The following MIB1 variants were observed in gnomAD, a reference collection of about 807,000 sequenced individuals.
MIB1 encodes MIB E3 ubiquitin protein ligase 1.
Under a neutral mutation model 124.5 loss-of-function variants are expected in MIB1, and 278 were observed. That is an observed-to-expected ratio of 2.23 (90% confidence interval 2.02 to 2.47). The LOEUF (loss-of-function observed/expected upper bound fraction) is 2.47, where lower values mean the gene tolerates loss of function less well. MIB1 is among the 30% of genes most tolerant of loss of function. MIB1 has a pLI of 0.00. For missense variants in MIB1, 957 were observed against 1,254.4 expected (o/e 0.76, Z 3.58); for synonymous variants, 446 against 429.4 (o/e 1.04, Z -0.48).
At position 21,819,511 on chromosome 18, in the gene MIB1, C is replaced by G. The variant is rs759658918; in HGVS notation, c.1694C>G (p.Thr565Ser). Residue 565 changes from threonine (T) to serine (S), a missense_variant, in exon 12 of 21, where the codon ACC (threonine) becomes AGC (serine). Transcript: ENST00000261537. ...HPSLQDSEGD[T>S]PLHDAISKKR... The stretch of plus-strand genomic sequence containing the variant: ...AACTTAAAGGATTCTGAAGGTGATA[C>G]CCCTCTTCATGATGCAATAAGTAAG... 5 of 1,601,212 alleles carry G rather than the reference C, an allele frequency of 3.1e-6. No homozygotes were observed. The Admixed American group carries it at 8.5e-5, about 27-fold the overall frequency.
At chr18:21,750,266 C>G (rs143384238) in intron 1 of MIB1, among the ~76,000 whole-genome samples, 3 of 152,120 alleles carry the variant, frequency 2.0e-5, no homozygotes, top group Admixed American at 6.5e-5. Flanking sequence ...ATTCTCCTAC[C>G]TCAGCCTCCT....
At position 21,838,804 on chromosome 18, in the gene MIB1, T is replaced by A. The variant is rs147729302; in HGVS notation, c.1962+307T>A. Among the ~76,000 whole-genome samples, 1,413 of 152,318 alleles carry A rather than the reference T, an allele frequency of 9.3e-3. 9 individuals carry two copies. The highest frequency in any genetic ancestry group is 0.054 in the Middle Eastern group (16 of 294). ...GATTTCCCAGAATGGCTGCCACTGT[T>A]ACGGAAGTATCATCAACCAGAGCAC... is the stretch of plus-strand genomic sequence containing the variant. On this transcript the variant is annotated intron_variant, in intron 13 of 20. Coordinates refer to ENST00000261537, the MANE Select transcript of MIB1 (RefSeq NM_020774.4).
chr18:21,845,668 G>C (rs1364128743), intron 15 of MIB1, among the ~76,000 whole-genome samples: 1 of 151,838 alleles, frequency 6.6e-6, no homozygotes, highest in Non-Finnish European at 1.5e-5. Flanking sequence ...CTGTTGCCTG[G>C]GCTGGAGTGC....
chr18:21,775,891 G>A (rs1392386052), intron 4 of MIB1, among the ~76,000 whole-genome samples: 6 of 152,148 alleles, frequency 3.9e-5, no homozygotes, highest in East Asian at 1.9e-4. Flanking sequence ...GCATCCTTGT[G>A]TATATGCCTT....
intron 11 of MIB1, chr18:21,817,657 T>G (rs2041842114): frequency 6.9e-6 from 3 of 432,030 alleles, no homozygotes; most frequent in South Asian, 5.0e-5. Context: ...TCATTTTTTC[T>G]AGGCTTTGTC....
Position 21,842,116 on chromosome 18 carries a change from A to AAAAG in MIB1, c.1963-1013_1963-1012insAGAA, listed in dbSNP as rs1555695873. Reference sequence around the variant, plus strand: ...CAAAAAAAAAAAAAAAAAAAAAAAAAAAGAAGAAAAGAAGCTGAGATCAGG... The same window carrying AAAAG: ...CAAAAAAAAAAAAAAAAAAAAAAAAAAAAGAAGAAGAAAAGAAGCTGAGATCAGG... On this transcript the variant is annotated intron_variant, in intron 13 of 20. Transcript: ENST00000261537. Among the ~76,000 whole-genome samples the AAAAG allele has an allele frequency of 3.6e-4, 44 of 121,176 alleles. 2 individuals carry two copies. Among genetic ancestry groups the AAAAG allele is most frequent in the Middle Eastern group, 4.7e-3 (1 of 212 alleles). 79.5% of individuals were successfully genotyped at this position (121,176 alleles called of 152,430 possible).
Position 21,852,152 on chromosome 18 carries a change from G to A in MIB1, c.2587-988G>A, listed in dbSNP as rs188157590. On this transcript the variant is annotated intron_variant, in intron 17 of 20. Transcript: ENST00000261537. ...ATAATGTTGTAGCTCAACAATGTTA[G>A]GTAATTTGTTGGTGTTGGAGGTAGA... 3.0e-3 allele frequency among the ~76,000 whole-genome samples: 452 copies of A among 152,290 alleles called. 2 individuals carry two copies. The highest frequency in any genetic ancestry group is 0.01 in the African/African-American group (428 of 41,558).
chr18:21,849,055 T>G (rs550818688), intron 16 of MIB1, 141 bp from the exon 17 acceptor site: 12 of 532,906 alleles, frequency 2.3e-5, no homozygotes, highest in African/African-American at 3.9e-5. Flanking sequence ...ATTTAATGTT[T>G]CACATACAGA....
At chr18:21,724,772 A>ATATG (rs1194295006) in intron 1 of MIB1, among the ~76,000 whole-genome samples, 1 of 107,752 alleles carries the variant, frequency 9.3e-6, no homozygotes, top group African/African-American at 3.6e-5. Context: ...ATATATATAT[A>ATATG]TTAGTCTATA....
rs914897566 is a variant in MIB1 at position 21,741,395 on chromosome 18, C to T, written c.-189C>T. On this transcript the variant is annotated 5_prime_UTR_variant, in exon 1 of 21. Coordinates refer to ENST00000261537, the MANE Select transcript of MIB1 (RefSeq NM_020774.4). The surrounding 1 kb of genome is among the most constrained non-coding windows in gnomAD (Gnocchi z 5.4). ...CGAGCGGGGGGCGCGGCGGCGACAG[C>T]TGGGCAGCGGCTTTGGGCTCCGCGG... is the stretch of plus-strand genomic sequence containing the variant. The T allele has an allele frequency of 5.8e-5, 14 of 241,834 alleles. No individual in the cohort carries two copies. Among genetic ancestry groups the T allele is most frequent in the Non-Finnish European group, 7.7e-6 (1 of 130,484 alleles). 15.0% of individuals were successfully genotyped at this position (241,834 alleles called of 1,614,324 possible).
chr18:21,834,040 A>G (rs2042005743), intron 12 of MIB1, among the ~76,000 whole-genome samples: 1 of 152,046 alleles, frequency 6.6e-6, no homozygotes, highest in African/African-American at 2.4e-5. Context: ...TTTCCCAGTA[A>G]CTCTACGGAC....
chr18:21,717,357 C>A (rs982106162), intron 1 of MIB1, among the ~76,000 whole-genome samples: 12 of 152,134 alleles, frequency 7.9e-5, no homozygotes, highest in Non-Finnish European at 1.3e-4. Flanking sequence ...TGACCAAGAA[C>A]CCAAAAGCAA....
chr18:21,798,511 G>C (rs1486868438), intron 8 of MIB1, among the ~76,000 whole-genome samples: 2 of 152,038 alleles, frequency 1.3e-5, no homozygotes, highest in Non-Finnish European at 2.9e-5. Context: ...CATCAAATTT[G>C]AGATTCCTAA....
At chr18:21,748,899 AT>A (rs1227654550) in intron 1 of MIB1, among the ~76,000 whole-genome samples, 3 of 150,622 alleles carry the variant, frequency 2.0e-5, no homozygotes, top group African/African-American at 7.3e-5. Context: ...AGCCTGGCTA[AT>A]TTTTTTTTAT....
chr18:21,768,618 T>G lies in MIB1; in HGVS notation c.402-5T>G. 1 of 1,522,396 alleles carries G rather than the reference T, an allele frequency of 6.6e-7. No homozygotes were observed. Among genetic ancestry groups the G allele is most frequent in the Non-Finnish European group, 8.9e-7 (1 of 1,129,818 alleles). The allele number at this position is 1,522,396 out of a possible 1,614,324, so 94.3% of individuals were successfully genotyped here. On this transcript the variant is annotated splice_polypyrimidine_tract_variant and splice_region_variant and intron_variant, in intron 2 of 20. Coordinates refer to ENST00000261537, the MANE Select transcript of MIB1 (RefSeq NM_020774.4). ...AAACTTGAAAATAAATAATTTTATT[T>G]TTAGGGTTCTGTTAGAGTCTCGTAG...
At chr18:21,772,828 C>G (rs930600358) in intron 3 of MIB1, among the ~76,000 whole-genome samples, 2 of 152,146 alleles carry the variant, frequency 1.3e-5, no homozygotes, top group African/African-American at 4.8e-5. Flanking sequence ...AAAAGCAACT[C>G]AAGACCTACT....
intron 1 of MIB1, among the ~76,000 whole-genome samples, chr18:21,746,927 A>G (rs2040918839): frequency 6.6e-6 from 1 of 152,168 alleles, no homozygotes; most frequent in Non-Finnish European, 1.5e-5. Context: ...CCTGGATTAA[A>G]AAAATGAAAT....
Position 21,741,964 on chromosome 18 carries a change from T to A in MIB1, c.229+152T>A. 1 of 677,502 alleles carries A rather than the reference T, an allele frequency of 1.5e-6. No homozygotes were observed. Among genetic ancestry groups the A allele is most frequent in the Non-Finnish European group, 2.4e-6 (1 of 415,040 alleles). 42.0% of individuals were successfully genotyped at this position (677,502 alleles called of 1,614,324 possible). A position where few individuals can be genotyped will look rare whatever the true frequency, so the allele number is the denominator to read the frequency against. On this transcript the variant is annotated intron_variant, in intron 1 of 20. Coordinates refer to ENST00000261537, the MANE Select transcript of MIB1 (RefSeq NM_020774.4). The surrounding 1 kb of genome is among the most constrained non-coding windows in gnomAD (Gnocchi z 5.4). ...CGGAAAGGCAAAGCGCCAAAGGAAT[T>A]CTAGGTTCCGAACGGGTGAACAAAC...
At position 21,751,040 on chromosome 18, in the gene MIB1, A is replaced by T. The variant is rs559396986; in HGVS notation, c.229+9228A>T. Among the ~76,000 whole-genome samples, 126 of 151,978 alleles carry T rather than the reference A, an allele frequency of 8.3e-4. 1 individual carries two copies. Among genetic ancestry groups the T allele is most frequent in the Non-Finnish European group, 1.3e-3 (90 of 67,978 alleles). ...GGCAAAACCCCATCTCTACAAAAAA[A>T]TATAAAAATTAGCCCACCATGGTGG... On this transcript the variant is annotated intron_variant, in intron 1 of 20. Transcript: ENST00000261537.
Sources: allele counts gnomAD v4.1 joint callset (sites outside exome capture counted in the v4.1 genomes callset), GRCh38; gene constraint gnomAD v4.1.1; non-coding constraint Gnocchi (gnomAD v3.1); transcripts MANE v1.5; gene names NCBI Gene and HGNC (gene_info 2026-07-23, HGNC 2026-07-21).